RBFOX3: variants seen among roughly 807,000 people sequenced by gnomAD.
RBFOX3 encodes RNA binding fox-1 homolog 3, also known as RNA binding protein fox-1 homolog 3.
RBFOX3 carries 17 observed loss-of-function variants against 48.7 expected under a neutral mutation model. The ratio of observed to expected loss-of-function variants is 0.35; its 90% CI spans 0.24 to 0.52. The LOEUF is 0.52. Among genes scored for constraint, RBFOX3 ranks in the 20% least tolerant of loss-of-function variants. The pLI is 0.94. For missense variants in RBFOX3, 382 were observed against 497.5 expected (o/e 0.77, Z 2.21); for synonymous variants, 212 against 209.5 (o/e 1.01, Z -0.10).
At chr17:79,091,921 A>G in intron 14 of RBFOX3, 1 of 976,380 alleles carries the variant, frequency 1.0e-6, no homozygotes, top group South Asian at 4.7e-5. Flanking sequence ...ACCACGCGAC[A>G]CGCTTGTGAC....
intron 3 of RBFOX3, among the ~76,000 whole-genome samples, chr17:79,291,982 C>T (rs1600454877): frequency 6.6e-6 from 1 of 152,250 alleles, no homozygotes; most frequent in South Asian, 2.1e-4. Flanking sequence ...TAACTACAGC[C>T]AGCCTCCACC....
At chr17:79,316,588 C>T (rs1262133361) in intron 2 of RBFOX3, among the ~76,000 whole-genome samples, 1 of 152,214 alleles carries the variant, frequency 6.6e-6, no homozygotes, top group African/African-American at 2.4e-5. Context: ...GGCCACACAG[C>T]CTGTGTCCTT....
chr17:79,374,264 A>G lies in RBFOX3; in HGVS notation c.-174-66440T>C, dbSNP rs542707356. ...CGAGGAGAGTGGGCGTGAGAGAAGT[A>G]AAGACGAGAAGCCGCAGCTTCCCAG... is the stretch of plus-strand genomic sequence containing the variant. On this transcript the variant is annotated intron_variant, in intron 2 of 14. Coordinates refer to ENST00000693108, the MANE Select transcript of RBFOX3 (RefSeq NM_001350451.2). Among the ~76,000 whole-genome samples, 3 of 152,260 alleles carry G rather than the reference A, an allele frequency of 2.0e-5. No homozygotes were observed. The East Asian group carries it at 5.8e-4, about 29-fold the overall frequency.
intron 4 of RBFOX3, among the ~76,000 whole-genome samples, chr17:79,140,753 G>A (rs2041754707): frequency 6.6e-6 from 1 of 152,244 alleles, no homozygotes; most frequent in Non-Finnish European, 1.5e-5. Flanking sequence ...GAGAAGTTCC[G>A]CAGTGGAGAG....
chr17:79,210,640 A>C (rs554258704), intron 4 of RBFOX3, among the ~76,000 whole-genome samples: 1 of 152,322 alleles, frequency 6.6e-6, no homozygotes, highest in African/African-American at 2.4e-5. Context: ...ATGGAATTGA[A>C]GGGTCGGGTG....
At chr17:79,138,765 A>AC (rs2041082668) in intron 4 of RBFOX3, among the ~76,000 whole-genome samples, 1 of 6,500 alleles carries the variant, frequency 1.5e-4, no homozygotes, top group African/African-American at 5.3e-4. Flanking sequence ...ACCATCCACA[A>AC]ACATGCACAC....
intron 4 of RBFOX3, among the ~76,000 whole-genome samples, chr17:79,215,151 T>C (rs1379807560): frequency 6.6e-6 from 1 of 152,072 alleles, no homozygotes; most frequent in African/African-American, 2.4e-5. Context: ...TCGGGTTGGC[T>C]CTGGGGGAAG....
chr17:79,366,768 C>CCAG (rs1439411885), intron 2 of RBFOX3, among the ~76,000 whole-genome samples: 2 of 152,234 alleles, frequency 1.3e-5, no homozygotes, highest in Non-Finnish European at 2.9e-5. Flanking sequence ...GGGGCACAGC[C>CCAG]CAGCAGGACG....
At chr17:79,350,187 T>C (rs927714684) in intron 2 of RBFOX3, among the ~76,000 whole-genome samples, 8 of 152,174 alleles carry the variant, frequency 5.3e-5, no homozygotes, top group East Asian at 3.9e-4. Context: ...TGGCTGCAGC[T>C]GCCCTGGCAG....
chr17:79,497,237 G>A (rs1467701259), intron 1 of RBFOX3, among the ~76,000 whole-genome samples: 1 of 152,200 alleles, frequency 6.6e-6, no homozygotes, highest in African/African-American at 2.4e-5. Context: ...TAATGGTACA[G>A]ATATTTGTCA....
rs558764192 is a variant in RBFOX3 at position 79,263,766 on chromosome 17, C to T, written c.-73-27961G>A. On this transcript the variant is annotated intron_variant, in intron 3 of 14. Transcript: ENST00000693108. The stretch of plus-strand genomic sequence containing the variant: ...GAATGGCTGGATGAACGCGCGCTTA[C>T]GAGGGGCAGAACGATGTCCCCAAGA... Among the ~76,000 whole-genome samples, 210 of 152,266 alleles carry T rather than the reference C, an allele frequency of 1.4e-3. 1 individual carries two copies. Among genetic ancestry groups the T allele is most frequent in the Middle Eastern group, 0.01 (3 of 294 alleles).
intron 2 of RBFOX3, among the ~76,000 whole-genome samples, chr17:79,457,124 C>T (rs879976937): frequency 6.6e-6 from 1 of 152,188 alleles, no homozygotes; most frequent in Non-Finnish European, 1.5e-5. Context: ...GGCATGGGCT[C>T]CTGGGGGCAT....
intron 3 of RBFOX3, among the ~76,000 whole-genome samples, chr17:79,244,965 C>G (rs2062952540): frequency 6.7e-6 from 1 of 148,546 alleles, no homozygotes; most frequent in Non-Finnish European, 1.5e-5. Context: ...CTTTCATTCT[C>G]CTTCCCTTTC....
chr17:79,482,412 A>G lies in RBFOX3; in HGVS notation c.-175+42T>C, dbSNP rs1252411823. 1 of 152,212 alleles carries G rather than the reference A, an allele frequency of 6.6e-6. No homozygotes were observed. Among genetic ancestry groups the G allele is most frequent in the Non-Finnish European group, 1.5e-5 (1 of 68,046 alleles). 9.4% of individuals were successfully genotyped at this position (152,212 alleles called of 1,614,324 possible). On this transcript the variant is annotated intron_variant, in intron 2 of 14. Transcript: ENST00000693108. The surrounding 1 kb of genome is among the most constrained non-coding windows in gnomAD (Gnocchi z 4.1). ...AAAACGTATTTCCTCCACAAATGCA[A>G]ACTCTGGGGATGGGCATGGCGGACA...
chr17:79,092,825 T>C (rs1457299186), intron 14 of RBFOX3, among the ~76,000 whole-genome samples: 1 of 152,228 alleles, frequency 6.6e-6, no homozygotes, highest in Non-Finnish European at 1.5e-5. Context: ...AGGACCTGCC[T>C]CTGACATAGT....
intron 4 of RBFOX3, among the ~76,000 whole-genome samples, chr17:79,160,541 T>C (rs1398632427): frequency 6.6e-6 from 1 of 152,208 alleles, no homozygotes; most frequent in African/African-American, 2.4e-5. Flanking sequence ...GAGCTCACCC[T>C]GGAGCAGGCC....
intron 4 of RBFOX3, among the ~76,000 whole-genome samples, chr17:79,147,690 CT>C (rs988643327): frequency 5.9e-5 from 9 of 152,250 alleles, no homozygotes; most frequent in Admixed American, 3.3e-4. Context: ...TTGCACACCC[CT>C]GGTTCTGGGC....
At chr17:79,333,105 G>C (rs1439383363) in intron 2 of RBFOX3, among the ~76,000 whole-genome samples, 3 of 152,070 alleles carry the variant, frequency 2.0e-5, no homozygotes, top group African/African-American at 7.2e-5. Flanking sequence ...GAGAAAAAGA[G>C]AGAGAGAGAA....
chr17:79,245,537 C>T (rs188821807), intron 3 of RBFOX3, among the ~76,000 whole-genome samples: 6 of 152,260 alleles, frequency 3.9e-5, no homozygotes, highest in African/African-American at 1.4e-4. Context: ...TCCCACCGCT[C>T]ACCCCCTCAG....
Sources: allele counts gnomAD v4.1 joint callset (sites outside exome capture counted in the v4.1 genomes callset), GRCh38; gene constraint gnomAD v4.1.1; non-coding constraint Gnocchi (gnomAD v3.1); transcripts MANE v1.5; gene names NCBI Gene and HGNC (gene_info 2026-07-23, HGNC 2026-07-21).